ADAM12: variants seen among roughly 807,000 people sequenced by gnomAD.
The protein encoded by ADAM12 is ADAM metallopeptidase domain 12, also known as disintegrin and metalloproteinase domain-containing protein 12.
ADAM12 carries 70 observed loss-of-function variants against 106.4 expected under a neutral mutation model. The observed-to-expected ratio is 0.66, with a 90% CI of 0.54 to 0.80. ADAM12 has a LOEUF of 0.80. Ranked by LOEUF, ADAM12 falls within the 30% of genes least tolerant of loss-of-function variation. The pLI is 0.00. For missense variants in ADAM12, 1,010 were observed against 1,171.9 expected, an observed-to-expected ratio of 0.86 and a Z score of 2.02; for synonymous variants, 420 against 433.5, an observed-to-expected ratio of 0.97 and a Z score of 0.39.
intron 21 of ADAM12, among the ~76,000 whole-genome samples, chr10:126,034,152 A>G (rs759656929): frequency 3.9e-5 from 6 of 152,250 alleles, no homozygotes; most frequent in Non-Finnish European, 7.3e-5. Flanking sequence ...GTGAAGAAAT[A>G]TTGACTAGTA....
At chr10:126,336,560 G>C (rs1349569462) in intron 1 of ADAM12, among the ~76,000 whole-genome samples, 1 of 152,170 alleles carries the variant, frequency 6.6e-6, no homozygotes, top group Non-Finnish European at 1.5e-5. Context: ...GCAGCTTAAA[G>C]GGCCTTCTGA....
chr10:126,332,925 C>T lies in ADAM12; in HGVS notation c.89-2416G>A, dbSNP rs563544464. Among the ~76,000 whole-genome samples the T allele has an allele frequency of 1.8e-3, 278 of 152,302 alleles. 2 individuals carry two copies. The highest frequency in any genetic ancestry group is 6.4e-3 in the African/African-American group (267 of 41,572). On this transcript the variant is annotated intron_variant, in intron 1 of 22. Coordinates refer to ENST00000448723, the MANE Select transcript of ADAM12 (RefSeq NM_001288973.2). ...GCTATACAGCTCCTGCAGAGGCCGA[C>T]TACAGAGTGCAATTAACTGAACTTA...
intron 3 of ADAM12, among the ~76,000 whole-genome samples, chr10:126,194,191 T>C (rs969754290): frequency 6.6e-6 from 1 of 150,416 alleles, no homozygotes; most frequent in Non-Finnish European, 1.5e-5. Flanking sequence ...AATCAAACTT[T>C]GGAGTGGCTC....
chr10:126,160,692 C>T (rs1311014441), intron 3 of ADAM12, among the ~76,000 whole-genome samples: 1 of 152,204 alleles, frequency 6.6e-6, no homozygotes, highest in Non-Finnish European at 1.5e-5. Context: ...GCTGTCCCTG[C>T]TAAAACTCTT....
At chr10:126,052,182 A>T (rs886946263) in intron 14 of ADAM12, among the ~76,000 whole-genome samples, 4 of 152,208 alleles carry the variant, frequency 2.6e-5, no homozygotes, top group Non-Finnish European at 5.9e-5. Context: ...AGAGCAGATT[A>T]AGACCTGGCC....
Position 126,101,532 on chromosome 10 carries a change from G to A in ADAM12, c.742-291C>T, listed in dbSNP as rs549680068. ...AAGCATACATTTCAAATGACTCACTGGTGATTTAAAATGTACATACAGATG... is the reference window on the plus strand; with the variant it reads ...AAGCATACATTTCAAATGACTCACTAGTGATTTAAAATGTACATACAGATG... On this transcript the variant is annotated intron_variant, in intron 8 of 22. Coordinates refer to ENST00000448723, the MANE Select transcript of ADAM12 (RefSeq NM_001288973.2). 2.6e-5 allele frequency among the ~76,000 whole-genome samples: 4 copies of A among 152,282 alleles called. No individual in the cohort carries two copies. In the South Asian group the frequency reaches 8.3e-4, roughly 32 times the overall value.
chr10:126,109,565 C>A (rs1955832098), intron 7 of ADAM12, among the ~76,000 whole-genome samples: 1 of 152,162 alleles, frequency 6.6e-6, no homozygotes, highest in African/African-American at 2.4e-5. Flanking sequence ...TTTTTTCCTG[C>A]AGGCTTTGCC....
intron 20 of ADAM12, among the ~76,000 whole-genome samples, chr10:126,037,440 C>G (rs931715679): frequency 6.6e-6 from 1 of 152,092 alleles, no homozygotes; most frequent in African/African-American, 2.4e-5. Context: ...TCCTTGGAGC[C>G]CCACCCTTTG....
At chr10:126,119,154 A>G (rs1422558427) in intron 5 of ADAM12, among the ~76,000 whole-genome samples, 2 of 152,158 alleles carry the variant, frequency 1.3e-5, no homozygotes, top group Non-Finnish European at 2.9e-5. Flanking sequence ...CGGCCTCTGG[A>G]TCCTGTGTTC....
intron 2 of ADAM12, among the ~76,000 whole-genome samples, chr10:126,307,807 G>A (rs919840106): frequency 4.6e-5 from 7 of 152,152 alleles, no homozygotes; most frequent in Non-Finnish European, 8.8e-5. Flanking sequence ...TAGCCAGGCT[G>A]GTCTCAAACT....
chr10:126,104,830 T>C (rs1379103667), intron 8 of ADAM12, among the ~76,000 whole-genome samples: 2 of 152,200 alleles, frequency 1.3e-5, no homozygotes, highest in Non-Finnish European at 2.9e-5. Context: ...CAAGCAGTTA[T>C]TAAGTTAGAA....
At chr10:126,105,659 T>C (rs895986576) in intron 8 of ADAM12, among the ~76,000 whole-genome samples, 1 of 152,202 alleles carries the variant, frequency 6.6e-6, no homozygotes, top group Non-Finnish European at 1.5e-5. Context: ...AAAGTAAACA[T>C]ATAAACAAAT....
intron 12 of ADAM12, among the ~76,000 whole-genome samples, chr10:126,068,357 G>A (rs1166792900): frequency 6.6e-6 from 1 of 151,946 alleles, no homozygotes; most frequent in Non-Finnish European, 1.5e-5. Flanking sequence ...TCCTAAATCT[G>A]GGTCCTAAAA....
intron 14 of ADAM12, among the ~76,000 whole-genome samples, chr10:126,051,463 G>GTCCATCCAGCCAGCCACCCAGCCACCCA (rs1954482196): frequency 1.4e-5 from 2 of 139,414 alleles, no homozygotes; most frequent in Non-Finnish European, 3.1e-5. Context: ...CCAGCCACCC[G>GTCCATCCAGCCAGCCACCCAGCCACCCA]TCCATCCATC....
intron 3 of ADAM12, among the ~76,000 whole-genome samples, chr10:126,252,343 G>A (rs1401291896): frequency 6.6e-6 from 1 of 152,152 alleles, no homozygotes; most frequent in African/African-American, 2.4e-5. Flanking sequence ...TATGGGAATT[G>A]GCTCATGCAG....
At chr10:126,162,097 A>G (rs1055686850) in intron 3 of ADAM12, among the ~76,000 whole-genome samples, 1 of 152,162 alleles carries the variant, frequency 6.6e-6, no homozygotes, top group Non-Finnish European at 1.5e-5. Context: ...CACAATGGGA[A>G]TAAGATGCTC....
chr10:126,054,850 G>A (rs1241886404), intron 14 of ADAM12, among the ~76,000 whole-genome samples: 3 of 152,098 alleles, frequency 2.0e-5, no homozygotes, highest in Non-Finnish European at 4.4e-5. Flanking sequence ...TGTGGCTTCT[G>A]GACTTTAGGG....
rs184588681 is a variant in ADAM12 at position 126,257,590 on chromosome 10, A to T, written c.260+21325T>A. Among the ~76,000 whole-genome samples, 9 of 152,328 alleles carry T rather than the reference A, an allele frequency of 5.9e-5. No homozygotes were observed. The East Asian group carries it at 1.2e-3, about 20-fold the overall frequency. On this transcript the variant is annotated intron_variant, in intron 3 of 22. Coordinates refer to ENST00000448723, the MANE Select transcript of ADAM12 (RefSeq NM_001288973.2). ...TTTAAATAAAACTCTATCCACAACT[A>T]TAAAGGAAAATGGGGAAATATGACC...
chr10:126,066,822 G>A lies in ADAM12; in HGVS notation c.1324-16C>T, dbSNP rs1954880739. On this transcript the variant is annotated splice_polypyrimidine_tract_variant and intron_variant, in intron 12 of 22. Coordinates refer to ENST00000448723, the MANE Select transcript of ADAM12 (RefSeq NM_001288973.2). The surrounding 1 kb of genome is among the most constrained non-coding windows in gnomAD (Gnocchi z 5.1). ...TCATACATTCCTGGAAAGGGGAATG[G>A]CATTTGTTTGACAGGGTCTTATGGA... 1 of 1,607,876 alleles carries A rather than the reference G, an allele frequency of 6.2e-7. No homozygotes were observed. The highest frequency in any genetic ancestry group is 8.5e-7 in the Non-Finnish European group (1 of 1,174,502).
Sources: allele counts gnomAD v4.1 joint callset (sites outside exome capture counted in the v4.1 genomes callset), GRCh38; gene constraint gnomAD v4.1.1; non-coding constraint Gnocchi (gnomAD v3.1); transcripts MANE v1.5; gene names NCBI Gene and HGNC (gene_info 2026-07-23, HGNC 2026-07-21).